Variants in LDB2 observed in about 807,000 individuals in gnomAD.
LDB2 encodes the protein LIM domain binding 2, also known as LIM domain-binding protein 2.
LDB2 carries 12 observed loss-of-function variants against 44.3 expected under a neutral mutation model. The ratio of observed to expected loss-of-function variants is 0.27; its 90% CI spans 0.17 to 0.44. LDB2 has a LOEUF of 0.44. Among genes scored for constraint, LDB2 ranks in the 20% least tolerant of loss-of-function variants. The pLI, the probability that LDB2 is intolerant of heterozygous loss-of-function variation, is 1.00. For synonymous variants in LDB2, 164 were observed against 174.8 expected (o/e 0.94, Z 0.49); for missense variants, 344 against 473.5 (o/e 0.73, Z 2.54).
chr4:16,537,379 T>C (rs1732217245), intron 5 of LDB2, among the ~76,000 whole-genome samples: 1 of 152,242 alleles, frequency 6.6e-6, no homozygotes, highest in African/African-American at 2.4e-5. Flanking sequence ...TCTACTGCTC[T>C]CTTGGAAAGA....
rs562300405 is a variant in LDB2, at chr4:16,817,247, G to C, written c.133-57987C>G. On this transcript the variant is annotated intron_variant, in intron 1 of 7. Transcript: ENST00000304523. ...TCTTACTGTTTCATTTTCCCAGCTC[G>C]ACTTCCTACTCTCTCCTGATAGAGA... Among the ~76,000 whole-genome samples the C allele has an allele frequency of 2.0e-5, 3 of 152,150 alleles. No individual in the cohort carries two copies. In the South Asian group the frequency reaches 6.2e-4, roughly 32 times the overall value.
chr4:16,864,953 C>A (rs928497064), intron 1 of LDB2, among the ~76,000 whole-genome samples: 6 of 151,674 alleles, frequency 4.0e-5, no homozygotes, highest in Non-Finnish European at 7.4e-5. Flanking sequence ...ATAGTCCATA[C>A]CATATACCGG....
intron 5 of LDB2, among the ~76,000 whole-genome samples, chr4:16,541,145 C>G (rs75365729): frequency 0.011 from 1,658 of 152,096 alleles, 24 homozygotes; most frequent in African/African-American, 0.035. Flanking sequence ...ATGTCCCCAC[C>G]AAATCTCATG....
intron 5 of LDB2, among the ~76,000 whole-genome samples, chr4:16,571,362 G>C (rs1008554799): frequency 6.6e-6 from 1 of 152,026 alleles, no homozygotes; most frequent in African/African-American, 2.4e-5. Context: ...AGTTATCGTG[G>C]AATGAGTCCA....
At chr4:16,787,215 T>C (rs1262259873) in intron 1 of LDB2, among the ~76,000 whole-genome samples, 1 of 152,186 alleles carries the variant, frequency 6.6e-6, no homozygotes, top group Non-Finnish European at 1.5e-5. Flanking sequence ...GTGTCAAAGA[T>C]TATGCTACCA....
chr4:16,733,097 C>T (rs915248364), intron 2 of LDB2, among the ~76,000 whole-genome samples: 9 of 152,140 alleles, frequency 5.9e-5, no homozygotes, highest in Non-Finnish European at 8.8e-5. Context: ...GAACAAGCTC[C>T]GCACTCAGGC....
At chr4:16,609,356 G>GGGA (rs1724953811) in intron 2 of LDB2, among the ~76,000 whole-genome samples, 1 of 148,774 alleles carries the variant, frequency 6.7e-6, no homozygotes, top group African/African-American at 2.5e-5. Context: ...GGGGGCGGGG[G>GGGA]GGGGAGGGGA....
intron 2 of LDB2, among the ~76,000 whole-genome samples, chr4:16,613,723 A>T (rs1266891819): frequency 6.6e-6 from 1 of 152,162 alleles, no homozygotes; most frequent in African/African-American, 2.4e-5. Flanking sequence ...GATGTAAAGG[A>T]CCTTTTCAAG....
At chr4:16,515,894 C>T (rs1374273637) in intron 5 of LDB2, among the ~76,000 whole-genome samples, 1 of 151,858 alleles carries the variant, frequency 6.6e-6, no homozygotes, top group Non-Finnish European at 1.5e-5. Flanking sequence ...GAGACAGTCT[C>T]GCTCTGTCGC....
chr4:16,696,961 T>C (rs1752262140), intron 2 of LDB2, among the ~76,000 whole-genome samples: 1 of 152,086 alleles, frequency 6.6e-6, no homozygotes, highest in Admixed American at 6.5e-5. Context: ...GATCCAATGC[T>C]CACTTCTCCA....
In LDB2 at chr4:16,885,547, T is replaced by C. The variant is rs117870526; in HGVS notation, c.132+12807A>G. ...ACAACCCACTTTTTGAGGTATCCCT[T>C]TTCTTTTTGAATTAAAGACGTGTCC... On this transcript the variant is annotated intron_variant, in intron 1 of 7. Transcript: ENST00000304523. Among the ~76,000 whole-genome samples, 10 of 152,308 alleles carry C rather than the reference T, an allele frequency of 6.6e-5. No homozygotes were observed. The East Asian group carries it at 1.9e-3, about 29-fold the overall frequency.
chr4:16,703,909 G>A (rs1398778784), intron 2 of LDB2, among the ~76,000 whole-genome samples: 1 of 152,132 alleles, frequency 6.6e-6, no homozygotes, highest in African/African-American at 2.4e-5. Context: ...TTCTTGTTTT[G>A]CATTTACTTA....
In LDB2 at chr4:16,898,553, T is replaced by A. The variant is rs1725974764; in HGVS notation, c.-68A>T. On this transcript the variant is annotated 5_prime_UTR_variant, in exon 1 of 8. Transcript: ENST00000304523. The stretch of plus-strand genomic sequence containing the variant: ...ACGTCCATGCAGAGCACATGGGCTG[T>A]GTTCTTCCCAGTACAAAGTAGACGC... 3.5e-5 allele frequency: 54 copies of A among 1,553,482 alleles called. No individual in the cohort carries two copies. Among genetic ancestry groups the A allele is most frequent in the Non-Finnish European group, 4.6e-5 (52 of 1,134,392 alleles).
chr4:16,755,475 GT>G (rs1561113111), intron 2 of LDB2, among the ~76,000 whole-genome samples: 2 of 15,460 alleles, frequency 1.3e-4, no homozygotes, highest in Non-Finnish European at 2.1e-4. Flanking sequence ...GGAATAGGGT[GT>G]GTGTGTGTGT....
intron 1 of LDB2, chr4:16,888,806 T>C: frequency 1.4e-6 from 1 of 734,622 alleles, no homozygotes; most frequent in Non-Finnish European, 1.7e-6. Context: ...TACTTTGCAA[T>C]GTAACTTTCA....
intron 2 of LDB2, among the ~76,000 whole-genome samples, chr4:16,717,624 C>A (rs1314373845): frequency 6.6e-6 from 1 of 152,136 alleles, no homozygotes; most frequent in Non-Finnish European, 1.5e-5. Flanking sequence ...TTAGCTGCCA[C>A]ACAGACCAGC....
rs561704914 is a variant in LDB2, at chr4:16,685,479, G to C, written c.235+73679C>G. Among the ~76,000 whole-genome samples, 3 of 152,090 alleles carry C rather than the reference G, an allele frequency of 2.0e-5. No individual in the cohort carries two copies. In the East Asian group the frequency reaches 5.8e-4, roughly 29 times the overall value. On this transcript the variant is annotated intron_variant, in intron 2 of 7. Coordinates refer to ENST00000304523, the MANE Select transcript of LDB2 (RefSeq NM_001290.5). ...ACCTTTGACTTGACTCAGAGGACAC[G>C]GTGAGATGAGTTACATAAACTCTAT...
intron 2 of LDB2, among the ~76,000 whole-genome samples, chr4:16,742,312 C>T (rs1429572281): frequency 6.6e-6 from 1 of 152,088 alleles, no homozygotes; most frequent in Non-Finnish European, 1.5e-5. Context: ...CCTTGTGATC[C>T]GCCCACCTTG....
chr4:16,839,169 G>C (rs1473350343), intron 1 of LDB2, among the ~76,000 whole-genome samples: 1 of 151,522 alleles, frequency 6.6e-6, no homozygotes, highest in African/African-American at 2.4e-5. Flanking sequence ...ATTTAGTGCT[G>C]CTATAAAAGA....
Sources: allele counts gnomAD v4.1 joint callset (sites outside exome capture counted in the v4.1 genomes callset), GRCh38; gene constraint gnomAD v4.1.1; transcripts MANE v1.5; gene names NCBI Gene and HGNC (gene_info 2026-07-23, HGNC 2026-07-21).